FAM168A: variants seen among roughly 807,000 people sequenced by gnomAD.
FAM168A encodes the protein protein FAM168A.
A neutral mutation model predicts 28.5 loss-of-function variants in FAM168A; 3 were observed. That is an observed-to-expected ratio of 0.11 (90% CI 0.05 to 0.27). FAM168A has a LOEUF of 0.27. FAM168A is among the 10% of genes least tolerant of loss of function. FAM168A has a pLI of 1.00. For synonymous variants in FAM168A, 122 were observed against 124.2 expected (o/e 0.98, Z 0.12); for missense variants, 222 against 311.5 (o/e 0.71, Z 2.16).
intron 1 of FAM168A, among the ~76,000 whole-genome samples, chr11:73,509,016 C>T (rs924795814): frequency 5.3e-5 from 8 of 152,212 alleles, no homozygotes; most frequent in South Asian, 2.1e-4. Flanking sequence ...CTTTGCCTTC[C>T]GCCATGACTG....
At chr11:73,519,046 C>T (rs1374668267) in intron 1 of FAM168A, among the ~76,000 whole-genome samples, 2 of 152,170 alleles carry the variant, frequency 1.3e-5, no homozygotes, top group Non-Finnish European at 2.9e-5. Flanking sequence ...GGACCATGAG[C>T]CAAAGAAGCC....
At chr11:73,408,250 C>G (rs1445148484) in intron 6 of FAM168A, among the ~76,000 whole-genome samples, 3 of 152,162 alleles carry the variant, frequency 2.0e-5, no homozygotes, top group Non-Finnish European at 2.9e-5. Flanking sequence ...GGCTGTGTTT[C>G]CCACACTAAC....
intron 1 of FAM168A, among the ~76,000 whole-genome samples, chr11:73,542,417 T>G (rs760861073): frequency 1.3e-5 from 2 of 152,232 alleles, no homozygotes; most frequent in Non-Finnish European, 2.9e-5. Flanking sequence ...GACTACTTTC[T>G]TACTTTCATA....
intron 1 of FAM168A, among the ~76,000 whole-genome samples, chr11:73,559,165 T>C (rs1157520378): frequency 6.6e-6 from 1 of 152,224 alleles, no homozygotes; most frequent in African/African-American, 2.4e-5. Context: ...CCTATCACTT[T>C]GGGACGCCGA....
intron 1 of FAM168A, among the ~76,000 whole-genome samples, chr11:73,472,008 G>A (rs1867821412): frequency 6.6e-6 from 1 of 152,090 alleles, no homozygotes; most frequent in African/African-American, 2.4e-5. Flanking sequence ...CCGAGGAGGC[G>A]TTAAATTTTC....
At chr11:73,534,134 G>A (rs1943547781) in intron 1 of FAM168A, among the ~76,000 whole-genome samples, 1 of 152,136 alleles carries the variant, frequency 6.6e-6, no homozygotes, top group Admixed American at 6.5e-5. Flanking sequence ...CTGAATAAAT[G>A]TCCTCTCCTT....
chr11:73,499,494 T>A (rs1009973166), intron 1 of FAM168A, among the ~76,000 whole-genome samples: 12 of 152,038 alleles, frequency 7.9e-5, no homozygotes, highest in African/African-American at 2.7e-4. Context: ...CGTCTCTCCA[T>A]CAAGGGCACA....
At chr11:73,522,811 G>A (rs1315150241) in intron 1 of FAM168A, among the ~76,000 whole-genome samples, 1 of 151,722 alleles carries the variant, frequency 6.6e-6, no homozygotes, top group Non-Finnish European at 1.5e-5. Flanking sequence ...TCAGGAGTTT[G>A]TGACCAGACT....
chr11:73,542,775 C>T (rs1565290454), intron 1 of FAM168A, among the ~76,000 whole-genome samples: 1 of 152,144 alleles, frequency 6.6e-6, no homozygotes, highest in Non-Finnish European at 1.5e-5. Flanking sequence ...TTGCTCCATA[C>T]TACAGTAAAA....
chr11:73,537,569 A>C (rs1244699007), intron 1 of FAM168A, among the ~76,000 whole-genome samples: 1 of 152,172 alleles, frequency 6.6e-6, no homozygotes, highest in Non-Finnish European at 1.5e-5. Context: ...TCTCATACTT[A>C]CAAACTCCAG....
chr11:73,549,415 G>A (rs1272491402), intron 1 of FAM168A, among the ~76,000 whole-genome samples: 1 of 152,118 alleles, frequency 6.6e-6, no homozygotes, highest in Non-Finnish European at 1.5e-5. Context: ...TTAAAATTCA[G>A]TTATTCAGTC....
chr11:73,515,866 G>C (rs1349653607), intron 1 of FAM168A, among the ~76,000 whole-genome samples: 1 of 152,108 alleles, frequency 6.6e-6, no homozygotes, highest in African/African-American at 2.4e-5. Flanking sequence ...ACTTTGGGAG[G>C]CTGAGGCGGG....
intron 1 of FAM168A, among the ~76,000 whole-genome samples, chr11:73,473,028 G>A (rs113691923): frequency 8.6e-5 from 13 of 151,716 alleles, no homozygotes; most frequent in African/African-American, 2.4e-4. Context: ...TAAAAAAAAA[G>A]GAAAAAAAAT....
chr11:73,468,543 T>C, intron 1 of FAM168A, 51 bp from the exon 2 acceptor site: 1 of 1,360,832 alleles, frequency 7.3e-7, no homozygotes, highest in South Asian at 1.2e-5. Flanking sequence ...TCATTCTTCC[T>C]GACATCAGCT....
intron 1 of FAM168A, among the ~76,000 whole-genome samples, chr11:73,564,686 T>C (rs1327585284): frequency 7.3e-6 from 1 of 137,400 alleles, no homozygotes; most frequent in African/African-American, 2.8e-5. Flanking sequence ...GAGCTTGCAG[T>C]GAGCTGAGAT....
rs1866502281 is a variant in FAM168A, at chr11:73,406,136, A to G, written c.*627T>C. The stretch of plus-strand genomic sequence containing the variant: ...CTCCCCCCACCCTCCCCCAAATTCT[A>G]AAGACTTTTTTCCCCAGGTTCTCAG... On this transcript the variant is annotated 3_prime_UTR_variant, in exon 8 of 8. Coordinates refer to ENST00000356467, the MANE Select transcript of FAM168A (RefSeq NM_015159.3). 1 of 96,748 alleles carries G rather than the reference A, an allele frequency of 1.0e-5. No individual in the cohort carries two copies. The highest frequency in any genetic ancestry group is 1.9e-5 in the Non-Finnish European group (1 of 51,526). The allele number at this position is 96,748 out of a possible 1,614,324, so 6.0% of individuals were successfully genotyped here.
intron 1 of FAM168A, among the ~76,000 whole-genome samples, chr11:73,571,078 A>G (rs1565303050): frequency 6.6e-6 from 1 of 152,216 alleles, no homozygotes; most frequent in East Asian, 1.9e-4. Flanking sequence ...GTTACTTGCA[A>G]TGAAGAAAAA....
chr11:73,447,436 C>G (rs1196805587), intron 2 of FAM168A, among the ~76,000 whole-genome samples: 1 of 151,708 alleles, frequency 6.6e-6, no homozygotes, highest in Non-Finnish European at 1.5e-5. Flanking sequence ...ATCTGTATTC[C>G]CAGCTACTTG....
Position 73,542,877 on chromosome 11 carries a change from C to G in FAM168A, c.-19+55046G>C, listed in dbSNP as rs536907198. On this transcript the variant is annotated intron_variant, in intron 1 of 7. Transcript: ENST00000356467. ...CAAGAAGAATATGCAAGCCTTGGAT[C>G]GCTTAAGCTGAACAACGGGAAAATT... Among the ~76,000 whole-genome samples, 8 of 152,284 alleles carry G rather than the reference C, an allele frequency of 5.3e-5. 1 individual carries two copies. In the South Asian group the frequency reaches 1.7e-3, roughly 32 times the overall value.
Sources: allele counts gnomAD v4.1 joint callset (sites outside exome capture counted in the v4.1 genomes callset), GRCh38; gene constraint gnomAD v4.1.1; transcripts MANE v1.5; gene names NCBI Gene and HGNC (gene_info 2026-07-23, HGNC 2026-07-21).